The following RIT2 variants were observed in gnomAD, a reference collection of about 807,000 sequenced individuals.
The protein encoded by RIT2 is Ras like without CAAX 2.
RIT2 carries 24 observed loss-of-function variants against 23.7 expected under a neutral mutation model. The observed-to-expected ratio is 1.01, with a 90% CI of 0.73 to 1.43. RIT2 has a LOEUF of 1.43. RIT2 is among the 40% of genes most tolerant of loss of function. The pLI is 0.00. For synonymous variants in RIT2, 107 were observed against 91.1 expected, an observed-to-expected ratio of 1.17 and a Z score of -0.99; for missense variants, 236 against 266.9, an observed-to-expected ratio of 0.88 and a Z score of 0.81.
chr18:42,771,721 A>G (rs560053451), intron 4 of RIT2, among the ~76,000 whole-genome samples: 13 of 152,246 alleles, frequency 8.5e-5, no homozygotes, highest in African/African-American at 3.1e-4. Flanking sequence ...AATTTGTGTT[A>G]TATCTGTTGG....
chr18:42,798,697 C>T (rs1905442027), intron 4 of RIT2, among the ~76,000 whole-genome samples: 1 of 152,234 alleles, frequency 6.6e-6, no homozygotes. Flanking sequence ...TCCAACCCCT[C>T]CTCTCCACCA....
chr18:42,920,626 CTTTT>C (rs1568030443), intron 4 of RIT2: 1 of 1,045,830 alleles, frequency 9.6e-7, no homozygotes, highest in East Asian at 2.4e-5. Context: ...TGTTTTTTTT[CTTTT>C]TATCTTTTTT....
At chr18:42,930,299 T>C (rs1909294176) in intron 3 of RIT2, among the ~76,000 whole-genome samples, 1 of 151,646 alleles carries the variant, frequency 6.6e-6, no homozygotes, top group South Asian at 2.1e-4. Flanking sequence ...ATGAAGGCTT[T>C]CACAGTAATT....
At chr18:42,751,391 A>C (rs750149831) in intron 4 of RIT2, among the ~76,000 whole-genome samples, 1 of 151,906 alleles carries the variant, frequency 6.6e-6, no homozygotes, top group African/African-American at 2.4e-5. Context: ...AAACACATAC[A>C]TATTTATAAA....
intron 4 of RIT2, among the ~76,000 whole-genome samples, chr18:42,884,329 A>G (rs1907967596): frequency 6.6e-6 from 1 of 152,208 alleles, no homozygotes; most frequent in African/African-American, 2.4e-5. Flanking sequence ...CTTTAATGTC[A>G]ACAGTTGAGG....
chr18:43,074,041 G>T (rs1350454642), intron 1 of RIT2, among the ~76,000 whole-genome samples: 25 of 152,036 alleles, frequency 1.6e-4, no homozygotes, highest in Non-Finnish European at 1.2e-4. Context: ...GAAAAAATGG[G>T]TAGTTTTACA....
intron 3 of RIT2, among the ~76,000 whole-genome samples, chr18:42,947,934 TA>T (rs1284214244): frequency 6.6e-6 from 1 of 152,098 alleles, no homozygotes; most frequent in Non-Finnish European, 1.5e-5. Context: ...AGATATGAAC[TA>T]AAAAACTTCT....
intron 3 of RIT2, among the ~76,000 whole-genome samples, chr18:42,954,762 C>T (rs981329657): frequency 5.9e-5 from 9 of 152,088 alleles, no homozygotes; most frequent in African/African-American, 2.2e-4. Context: ...TGATCTCCAG[C>T]CCATACCGTG....
chr18:42,882,974 A>G (rs1214573467), intron 4 of RIT2, among the ~76,000 whole-genome samples: 1 of 152,206 alleles, frequency 6.6e-6, no homozygotes, highest in Non-Finnish European at 1.5e-5. Flanking sequence ...ATACATTTGT[A>G]TATATTATAT....
chr18:42,796,789 C>T (rs928144010), intron 4 of RIT2, among the ~76,000 whole-genome samples: 2 of 152,132 alleles, frequency 1.3e-5, no homozygotes, highest in African/African-American at 4.8e-5. Flanking sequence ...GACAGGTCTT[C>T]CAGAAGACTC....
chr18:42,874,317 T>A lies in RIT2; in HGVS notation c.426+49255A>T, dbSNP rs1359632493. Among the ~76,000 whole-genome samples the A allele has an allele frequency of 2.0e-5, 3 of 152,158 alleles. No individual in the cohort carries two copies. The East Asian group carries it at 5.8e-4, about 29-fold the overall frequency. On this transcript the variant is annotated intron_variant, in intron 4 of 4. Transcript: ENST00000326695. ...ACTCTTGCTGCAGCCTGCTTAATATTGTAATTTAATTGAGGTCTATGTAAA... is the reference window on the plus strand; with the variant it reads ...ACTCTTGCTGCAGCCTGCTTAATATAGTAATTTAATTGAGGTCTATGTAAA...
chr18:43,069,376 T>C (rs1912847371), intron 1 of RIT2, among the ~76,000 whole-genome samples: 1 of 152,174 alleles, frequency 6.6e-6, no homozygotes. Context: ...CTGAATTCTT[T>C]CTTGCGTGAG....
chr18:43,012,141 T>C (rs1454046866), intron 2 of RIT2, among the ~76,000 whole-genome samples: 1 of 151,834 alleles, frequency 6.6e-6, no homozygotes, highest in Non-Finnish European at 1.5e-5. Flanking sequence ...GTTTCTTTAG[T>C]GATCATCTCA....
chr18:42,967,413 A>G (rs936548468), intron 3 of RIT2, among the ~76,000 whole-genome samples: 4 of 152,128 alleles, frequency 2.6e-5, no homozygotes, highest in African/African-American at 9.6e-5. Flanking sequence ...TCTGTTGCCC[A>G]GGCTGGAGTG....
chr18:43,014,227 A>AAC (rs1911418888), intron 2 of RIT2, among the ~76,000 whole-genome samples: 1 of 151,798 alleles, frequency 6.6e-6, no homozygotes, highest in Non-Finnish European at 1.5e-5. Context: ...AAGGCATAAG[A>AAC]ACATACTTCA....
intron 4 of RIT2, among the ~76,000 whole-genome samples, chr18:42,846,262 C>T (rs1268654323): frequency 6.6e-6 from 1 of 151,718 alleles, no homozygotes; most frequent in Non-Finnish European, 1.5e-5. Flanking sequence ...GCAAAATTTA[C>T]ATTAAATAAA....
intron 3 of RIT2, among the ~76,000 whole-genome samples, chr18:42,952,254 T>C (rs995804623): frequency 2.0e-5 from 3 of 152,082 alleles, no homozygotes; most frequent in Non-Finnish European, 4.4e-5. Flanking sequence ...TTGAGGACAT[T>C]ATAATAAGTG....
chr18:42,901,370 C>T (rs1908472036), intron 4 of RIT2, among the ~76,000 whole-genome samples: 1 of 151,876 alleles, frequency 6.6e-6, no homozygotes, highest in Admixed American at 6.6e-5. Flanking sequence ...AACAGACAAA[C>T]CACAGTTATT....
intron 4 of RIT2, among the ~76,000 whole-genome samples, chr18:42,906,017 TA>T: frequency 1.5e-5 from 2 of 131,446 alleles, no homozygotes; most frequent in African/African-American, 6.8e-5. Flanking sequence ...CATATATATA[TA>T]TATGTATATA....
Sources: gnomAD v4.1 joint callset for allele counts (sites outside exome capture counted in the v4.1 genomes callset) on GRCh38, gnomAD v4.1.1 for gene constraint, MANE v1.5 for transcripts, NCBI Gene and HGNC (gene_info 2026-07-23, HGNC 2026-07-21) for gene names.